Variants in ZNF451 observed in about 807,000 individuals in gnomAD.
The protein encoded by ZNF451 is zinc finger protein 451.
ZNF451 carries 80 observed loss-of-function variants against 107.1 expected under a neutral mutation model. The ratio of observed to expected loss-of-function variants is 0.75; its 90% confidence interval spans 0.62 to 0.90. The LOEUF (loss-of-function observed/expected upper bound fraction) is 0.90, where lower values mean the gene tolerates loss of function less well. Ranked by LOEUF, ZNF451 falls within the 40% of genes least tolerant of loss-of-function variation. The pLI is 0.00. For synonymous variants in ZNF451, 362 were observed against 406.5 expected, an observed-to-expected ratio of 0.89 and a Z score of 1.32; for missense variants, 1,107 against 1,236.2, an observed-to-expected ratio of 0.90 and a Z score of 1.57.
At chr6:57,098,559 T>A (rs938233680) in intron 2 of ZNF451, among the ~76,000 whole-genome samples, 1 of 152,192 alleles carries the variant, frequency 6.6e-6, no homozygotes, top group African/African-American at 2.4e-5. Context: ...TTGAATAAAA[T>A]CTAGGCTTTT....
chr6:57,109,150 T>A (rs1015822523), intron 3 of ZNF451: 27 of 984,588 alleles, frequency 2.7e-5, no homozygotes, highest in Non-Finnish European at 3.1e-5. Context: ...GTTCTCCCAT[T>A]GAGATTTCAC....
chr6:57,158,752 T>G (rs1055334069), intron 13 of ZNF451: 1 of 985,364 alleles, frequency 1.0e-6, no homozygotes, highest in Admixed American at 6.1e-5. Flanking sequence ...AAGATGTTAC[T>G]ACAAGATAAT....
intron 6 of ZNF451, 92 bp from the exon 7 acceptor site, chr6:57,134,652 G>T: frequency 9.0e-7 from 1 of 1,116,226 alleles, no homozygotes. Flanking sequence ...GAATGTGTGT[G>T]TATGTGTTTA....
chr6:57,090,250 A>G lies in ZNF451; in HGVS notation c.-4A>G. On this transcript the variant is annotated 5_prime_UTR_variant, in exon 1 of 15. Coordinates refer to ENST00000370706, the MANE Select transcript of ZNF451 (RefSeq NM_001031623.3). ...GTGGTGCTGTCAGCGCGGCCGTCGG[A>G]GACATGGGAGACCCGGGGTCGGAGG... is the stretch of plus-strand genomic sequence containing the variant. The G allele has an allele frequency of 6.2e-7, 1 of 1,611,080 alleles. No homozygotes were observed. The highest frequency in any genetic ancestry group is 8.5e-7 in the Non-Finnish European group (1 of 1,179,354).
Position 57,123,426 on chromosome 6 carries a change from A to G in ZNF451, c.187-1308A>G, listed in dbSNP as rs562089273. On this transcript the variant is annotated intron_variant, in intron 3 of 14. Transcript: ENST00000370706. The stretch of plus-strand genomic sequence containing the variant: ...ATGCAGAAACAGAAAAACGAGTACC[A>G]TATGTTCTCATTTATAAGTGGGAGC... Among the ~76,000 whole-genome samples, 12 of 152,328 alleles carry G rather than the reference A, an allele frequency of 7.9e-5. No homozygotes were observed. The South Asian group carries it at 1.5e-3, about 18-fold the overall frequency.
chr6:57,126,188 C>T (rs1830920518), intron 4 of ZNF451, among the ~76,000 whole-genome samples: 1 of 152,036 alleles, frequency 6.6e-6, no homozygotes, highest in Admixed American at 6.6e-5. Flanking sequence ...TTATTAAATA[C>T]TTTACATTGA....
At chr6:57,106,019 C>T in intron 3 of ZNF451, 6 of 978,924 alleles carry the variant, frequency 6.1e-6, no homozygotes, top group Non-Finnish European at 7.3e-6. Flanking sequence ...ATTTAGTATT[C>T]TATATTAGTA....
At chr6:57,156,332 C>A (rs1371851160) in intron 13 of ZNF451, among the ~76,000 whole-genome samples, 1 of 152,064 alleles carries the variant, frequency 6.6e-6, no homozygotes, top group African/African-American at 2.4e-5. Context: ...AACTTTTATT[C>A]CATTTCCTTT....
At chr6:57,163,693 G>A (rs966502066) in intron 14 of ZNF451, among the ~76,000 whole-genome samples, 44 of 151,150 alleles carry the variant, frequency 2.9e-4, no homozygotes, top group Admixed American at 2.6e-3. Flanking sequence ...CTCGTGATCC[G>A]CCTGCCTCGG....
chr6:57,148,876 G>A (rs1300098913), intron 10 of ZNF451, among the ~76,000 whole-genome samples, 183 bp downstream of exon 10: 1 of 152,068 alleles, frequency 6.6e-6, no homozygotes. Context: ...CTAAACTTAC[G>A]AGGACAGAGT....
At chr6:57,101,174 C>T in intron 3 of ZNF451, 3 of 1,550,738 alleles carry the variant, frequency 1.9e-6, no homozygotes, top group Non-Finnish European at 2.6e-6. Context: ...CCATCTGACC[C>T]CAGCCAATCT....
intron 3 of ZNF451, chr6:57,100,876 C>A (rs1234504557): frequency 6.5e-7 from 1 of 1,549,658 alleles, no homozygotes; most frequent in Non-Finnish European, 8.7e-7. Flanking sequence ...ACTTCTGGTC[C>A]CCCAAGAATC....
intron 4 of ZNF451, among the ~76,000 whole-genome samples, chr6:57,127,071 G>A (rs1248592395): frequency 6.6e-6 from 1 of 152,082 alleles, no homozygotes; most frequent in East Asian, 1.9e-4. Context: ...GATGTCTTAG[G>A]ATATATCTAT....
At chr6:57,103,284 C>T in intron 3 of ZNF451, 1 of 985,402 alleles carries the variant, frequency 1.0e-6, no homozygotes, top group Non-Finnish European at 1.2e-6. Context: ...AGCCACACAG[C>T]TCTGTTTCTG....
intron 7 of ZNF451, among the ~76,000 whole-genome samples, chr6:57,139,514 T>C (rs1313983005): frequency 6.6e-6 from 1 of 152,184 alleles, no homozygotes; most frequent in East Asian, 1.9e-4. Context: ...ACTATACTGA[T>C]GGTTCTAGTG....
intron 3 of ZNF451, chr6:57,102,195 A>C: frequency 1.4e-6 from 2 of 1,425,588 alleles, no homozygotes; most frequent in Non-Finnish European, 1.8e-6. Flanking sequence ...AGATCATCTC[A>C]AAAACTGGAT....
rs765229183 is a variant in ZNF451 at position 57,154,126 on chromosome 6, C to T, written c.3070+79C>T. ...TGAGAGAAACCAATAAACTGCTGTC[C>T]GCTAGTGAACTGTTGCCTGCTTGCT... On this transcript the variant is annotated intron_variant, in intron 13 of 14. Coordinates refer to ENST00000370706, the MANE Select transcript of ZNF451 (RefSeq NM_001031623.3). The T allele has an allele frequency of 1.0e-4, 143 of 1,371,858 alleles. No individual in the cohort carries two copies. In the East Asian group the frequency reaches 2.8e-3, roughly 27 times the overall value. The allele number at this position is 1,371,858 out of a possible 1,614,324, so 85.0% of individuals were successfully genotyped here.
chr6:57,151,985 C>G, intron 11 of ZNF451: 1 of 399,244 alleles, frequency 2.5e-6, no homozygotes, highest in African/African-American at 2.0e-5. Flanking sequence ...TTGATTTTGC[C>G]TAATATCCAT....
chr6:57,169,438 A>AC lies in ZNF451; in HGVS notation c.*970dup, dbSNP rs1003007098. On this transcript the variant is annotated 3_prime_UTR_variant, in exon 15 of 15. Coordinates refer to ENST00000370706, the MANE Select transcript of ZNF451 (RefSeq NM_001031623.3). ...CCCATTGTGAGTAATAAAAAATACG[A>AC]CATAAGTAGAAGACTAAGAAGGGCT... 7 of 152,262 alleles carry AC rather than the reference A, an allele frequency of 4.6e-5. No individual in the cohort carries two copies. The highest frequency in any genetic ancestry group is 1.3e-4 in the Admixed American group (2 of 15,290). The allele number at this position is 152,262 out of a possible 1,614,324, so 9.4% of individuals were successfully genotyped here.
Sources: allele counts gnomAD v4.1 joint callset (sites outside exome capture counted in the v4.1 genomes callset), GRCh38; gene constraint gnomAD v4.1.1; transcripts MANE v1.5; gene names NCBI Gene and HGNC (gene_info 2026-07-23, HGNC 2026-07-21).